The following KATNIP variants were observed in gnomAD, a reference collection of about 807,000 sequenced individuals.
The protein encoded by KATNIP is katanin-interacting protein.
KATNIP carries 126 observed loss-of-function variants against 174.0 expected under a neutral mutation model. That is an observed-to-expected ratio of 0.72 (90% CI 0.63 to 0.84). KATNIP has a LOEUF of 0.84. Among genes scored for constraint, KATNIP ranks in the 40% least tolerant of loss-of-function variants. The probability of loss-of-function intolerance (pLI) is 0.00; values close to 1 mark genes in which losing one functional copy is unlikely to be tolerated. For missense variants in KATNIP, 1,958 were observed against 2,109.7 expected, an observed-to-expected ratio of 0.93 and a Z score of 1.41; for synonymous variants, 810 against 835.7, an observed-to-expected ratio of 0.97 and a Z score of 0.53.
At chr16:27,702,657 G>T (rs1167819316) in intron 11 of KATNIP, among the ~76,000 whole-genome samples, 1 of 152,204 alleles carries the variant, frequency 6.6e-6, no homozygotes, top group Non-Finnish European at 1.5e-5. Context: ...CCAGAAAGGG[G>T]GTGGTCGTTT....
intron 1 of KATNIP, among the ~76,000 whole-genome samples, chr16:27,555,374 A>G (rs1317631937): frequency 6.6e-6 from 1 of 152,092 alleles, no homozygotes; most frequent in African/African-American, 2.4e-5. Flanking sequence ...TCTGTGATGC[A>G]GTGTAATGTC....
At chr16:27,666,454 G>A (rs1046052342) in intron 6 of KATNIP, among the ~76,000 whole-genome samples, 1 of 152,002 alleles carries the variant, frequency 6.6e-6, no homozygotes, top group African/African-American at 2.4e-5. Context: ...GTCTCACTCT[G>A]TCACCCAGGC....
At chr16:27,624,458 G>A (rs1489518257) in intron 3 of KATNIP, among the ~76,000 whole-genome samples, 1 of 152,196 alleles carries the variant, frequency 6.6e-6, no homozygotes, top group Non-Finnish European at 1.5e-5. Flanking sequence ...GTAGCTGTGA[G>A]CACTAGGGTA....
intron 22 of KATNIP, 93 bp downstream of exon 22, chr16:27,771,745 A>G (rs1597422702): frequency 7.5e-7 from 1 of 1,332,780 alleles, no homozygotes; most frequent in Non-Finnish European, 1.1e-6. Flanking sequence ...GCGGCCACAG[A>G]TGAGGCAGCT....
chr16:27,583,210 T>G (rs537479054), intron 2 of KATNIP, among the ~76,000 whole-genome samples: 1 of 152,298 alleles, frequency 6.6e-6, no homozygotes, highest in Admixed American at 6.5e-5. Context: ...GATTAAACTC[T>G]AGGAAAAATC....
chr16:27,742,667 G>A (rs994049893), intron 15 of KATNIP, among the ~76,000 whole-genome samples: 1 of 152,154 alleles, frequency 6.6e-6, no homozygotes, highest in Non-Finnish European at 1.5e-5. Context: ...TACATGGGGT[G>A]CTGGGAGAAT....
At chr16:27,612,368 T>TG (rs907658877) in intron 2 of KATNIP, among the ~76,000 whole-genome samples, 13 of 152,126 alleles carry the variant, frequency 8.5e-5, no homozygotes, top group African/African-American at 2.9e-4. Flanking sequence ...TGACTGTAGC[T>TG]GGGGGTGTTG....
intron 6 of KATNIP, among the ~76,000 whole-genome samples, chr16:27,672,320 T>C (rs975563849): frequency 6.6e-6 from 1 of 152,050 alleles, no homozygotes; most frequent in African/African-American, 2.4e-5. Context: ...TCTTCATCAC[T>C]CAGCCTTCCC....
At chr16:27,591,286 G>A (rs528462318) in intron 2 of KATNIP, among the ~76,000 whole-genome samples, 19 of 152,120 alleles carry the variant, frequency 1.2e-4, no homozygotes, top group African/African-American at 4.3e-4. Flanking sequence ...CCGGGTTCAA[G>A]CAATTCTCCT....
In KATNIP at chr16:27,734,550, A is replaced by T. The variant is rs566034026; in HGVS notation, c.1744-5491A>T. On this transcript the variant is annotated intron_variant, in intron 14 of 27. Transcript: ENST00000261588. Reference sequence around the variant, plus strand: ...CCCATCTCTACTAAAAATACAAAAAATAGCCGGGCGTAGTGGCGTGCCTGT... The same window carrying T: ...CCCATCTCTACTAAAAATACAAAAATTAGCCGGGCGTAGTGGCGTGCCTGT... Among the ~76,000 whole-genome samples, 5 of 152,102 alleles carry T rather than the reference A, an allele frequency of 3.3e-5. No individual in the cohort carries two copies. In the East Asian group the frequency reaches 9.7e-4, roughly 30 times the overall value.
At chr16:27,616,717 A>G (rs2076047275) in intron 2 of KATNIP, among the ~76,000 whole-genome samples, 1 of 151,240 alleles carries the variant, frequency 6.6e-6, no homozygotes, top group Non-Finnish European at 1.5e-5. Flanking sequence ...ACAGAGCAAG[A>G]CTCTGTCTCA....
At chr16:27,739,678 A>G (rs2081027760) in intron 14 of KATNIP, among the ~76,000 whole-genome samples, 1 of 152,236 alleles carries the variant, frequency 6.6e-6, no homozygotes, top group Non-Finnish European at 1.5e-5. Flanking sequence ...ATGACTGGAC[A>G]GATTTGCTCT....
At chr16:27,698,264 T>G in intron 8 of KATNIP, 64 bp from the exon 9 acceptor site, 1 of 1,489,378 alleles carries the variant, frequency 6.7e-7, no homozygotes, top group Admixed American at 2.0e-5. Flanking sequence ...TGGGGTCTAA[T>G]GGGTTGTGAG....
intron 4 of KATNIP, 48 bp downstream of exon 4, chr16:27,628,878 T>G (rs1481450128): frequency 6.3e-7 from 1 of 1,589,802 alleles, no homozygotes; most frequent in African/African-American, 1.3e-5. Flanking sequence ...TAATCAAAAT[T>G]AATTAGGGGC....
intron 1 of KATNIP, among the ~76,000 whole-genome samples, chr16:27,559,061 C>T (rs2089745414): frequency 1.3e-5 from 2 of 152,214 alleles, no homozygotes; most frequent in Non-Finnish European, 1.5e-5. Context: ...TCCCAGCTCC[C>T]TCAGCATCTG....
chr16:27,720,933 A>G (rs955991857), intron 13 of KATNIP, among the ~76,000 whole-genome samples: 9 of 151,976 alleles, frequency 5.9e-5, no homozygotes, highest in South Asian at 2.1e-4. Flanking sequence ...ATGACATGCA[A>G]TTTTGTCCGT....
chr16:27,740,855 G>C lies in KATNIP; in HGVS notation c.2558G>C (p.Gly853Ala). ...QPPNRERPAS[G>A]RRGSRKDAGS... ...CCCAACAGAGAGCGCCCTGCTAGTG[G>C]GAGGAGGGGCTCAAGGAAGGATGCT... The change falls in exon 15 of 28, where the codon GGG becomes GCG. Residue 853 changes from glycine (G) to alanine (A), a missense_variant. By Grantham distance (60) the Gly-to-Ala change is moderately conservative (BLOSUM62 0). This residue lies in a region of KATNIP where 1,557 missense variants were observed against 1,617.8 expected (regional missense o/e 0.96). Coordinates refer to ENST00000261588, the MANE Select transcript of KATNIP (RefSeq NM_015202.5). The C allele has an allele frequency of 6.2e-7, 1 of 1,611,490 alleles. No individual in the cohort carries two copies. Among genetic ancestry groups the C allele is most frequent in the South Asian group, 1.1e-5 (1 of 90,484 alleles).
At chr16:27,670,043 AG>A (rs758511036) in intron 6 of KATNIP, among the ~76,000 whole-genome samples, 2 of 152,228 alleles carry the variant, frequency 1.3e-5, no homozygotes, top group Non-Finnish European at 2.9e-5. Flanking sequence ...ATTTAAAAGA[AG>A]AAAAAGAAAC....
At chr16:27,571,188 A>C (rs2141681819) in intron 1 of KATNIP, among the ~76,000 whole-genome samples, 1 of 152,178 alleles carries the variant, frequency 6.6e-6, no homozygotes, top group Admixed American at 6.5e-5. Flanking sequence ...ATGTGCCACC[A>C]TGCCCGGCTA....
Sources: gnomAD v4.1 joint callset for allele counts (sites outside exome capture counted in the v4.1 genomes callset) on GRCh38, gnomAD v4.1.1 for gene constraint, gnomAD v4.1.1 regional missense constraint, MANE v1.5 for transcripts, NCBI Gene and HGNC (gene_info 2026-07-23, HGNC 2026-07-21) for gene names.